The following SMYD3 variants were observed in gnomAD, a reference collection of about 807,000 sequenced individuals.
The protein encoded by SMYD3 is SET and MYND domain containing 3, also known as histone-lysine N-methyltransferase SMYD3.
In SMYD3, 36 loss-of-function variants were observed where a neutral mutation model predicts 57.7. The ratio of observed to expected loss-of-function variants is 0.62; its 90% confidence interval spans 0.48 to 0.82. The LOEUF is 0.82. SMYD3 is among the 40% of genes least tolerant of loss of function. The probability of loss-of-function intolerance (pLI) is 0.00; values close to 1 mark genes in which losing one functional copy is unlikely to be tolerated. For missense variants in SMYD3, 515 were observed against 538.8 expected (o/e 0.96, Z 0.44); for synonymous variants, 211 against 195.0 (o/e 1.08, Z -0.68).
intron 5 of SMYD3, among the ~76,000 whole-genome samples, chr1:245,934,066 T>C (rs2056869544): frequency 6.6e-6 from 1 of 152,172 alleles, no homozygotes; most frequent in African/African-American, 2.4e-5. Flanking sequence ...TGAACACAAC[T>C]ATACAGAGGT....
chr1:245,990,858 T>C (rs1572854637), intron 5 of SMYD3, among the ~76,000 whole-genome samples: 1 of 152,248 alleles, frequency 6.6e-6, no homozygotes, highest in African/African-American at 2.4e-5. Flanking sequence ...TAATTTGTTA[T>C]GACAGAAACA....
intron 2 of SMYD3, among the ~76,000 whole-genome samples, chr1:246,344,051 A>G (rs2065672097): frequency 6.6e-6 from 1 of 152,134 alleles, no homozygotes; most frequent in Non-Finnish European, 1.5e-5. Flanking sequence ...ATAGTTTGAT[A>G]AATTTTTGTT....
chr1:245,879,557 C>A (rs1052948351), intron 8 of SMYD3, among the ~76,000 whole-genome samples: 1 of 152,254 alleles, frequency 6.6e-6, no homozygotes, highest in Non-Finnish European at 1.5e-5. Context: ...CAAGAGATCA[C>A]AGAAAGCTAC....
chr1:246,499,383 T>G (rs12732631), intron 1 of SMYD3, among the ~76,000 whole-genome samples: 143,108 of 151,312 alleles, frequency 0.95, 67,890 homozygotes, highest in Non-Finnish European at 0.99. Context: ...ATTTTTTAAG[T>G]AACCAAACCA....
chr1:246,401,786 G>A (rs1287781564), intron 1 of SMYD3, among the ~76,000 whole-genome samples: 3 of 149,586 alleles, frequency 2.0e-5, no homozygotes, highest in East Asian at 4.0e-4. Flanking sequence ...GCAATGGCAC[G>A]ATCTTGGCTC....
intron 5 of SMYD3, among the ~76,000 whole-genome samples, chr1:246,102,475 C>T (rs185473901): frequency 9.1e-4 from 139 of 152,232 alleles, no homozygotes; most frequent in African/African-American, 3.1e-3. Context: ...CTCTCTTTCT[C>T]ACTCAACCAC....
At chr1:246,206,489 C>T (rs901269552) in intron 5 of SMYD3, among the ~76,000 whole-genome samples, 5 of 151,790 alleles carry the variant, frequency 3.3e-5, no homozygotes, top group Admixed American at 1.3e-4. Flanking sequence ...TCTAGTGGTA[C>T]CAAAAGCCAC....
chr1:246,007,375 C>T (rs534749605), intron 5 of SMYD3, among the ~76,000 whole-genome samples: 1 of 152,170 alleles, frequency 6.6e-6, no homozygotes, highest in Non-Finnish European at 1.5e-5. Context: ...GAGTCAGCTC[C>T]CTGGTCAATG....
intron 5 of SMYD3, among the ~76,000 whole-genome samples, chr1:246,003,068 T>C (rs985652683): frequency 2.0e-4 from 31 of 151,864 alleles, no homozygotes; most frequent in Non-Finnish European, 3.8e-4. Flanking sequence ...AGAAAGGTTG[T>C]AGGTAGGAGG....
chr1:246,234,829 G>C (rs1283045628), intron 5 of SMYD3, among the ~76,000 whole-genome samples: 1 of 152,120 alleles, frequency 6.6e-6, no homozygotes, highest in African/African-American at 2.4e-5. Flanking sequence ...TTTGGAACTA[G>C]AATTATATAT....
chr1:246,353,392 T>C (rs1272512862), intron 2 of SMYD3, among the ~76,000 whole-genome samples: 2 of 151,874 alleles, frequency 1.3e-5, no homozygotes, highest in South Asian at 2.1e-4. Context: ...TACCTGGCCA[T>C]GGTGGCACGT....
At chr1:245,810,267 G>C (rs1224453665) in intron 10 of SMYD3, among the ~76,000 whole-genome samples, 1 of 152,190 alleles carries the variant, frequency 6.6e-6, no homozygotes, top group Non-Finnish European at 1.5e-5. Flanking sequence ...TCAGAACTAA[G>C]AGCCTACAAC....
At chr1:245,821,816 T>C (rs2049176471) in intron 10 of SMYD3, among the ~76,000 whole-genome samples, 1 of 151,808 alleles carries the variant, frequency 6.6e-6, no homozygotes, top group Non-Finnish European at 1.5e-5. Context: ...TCACTGGCCA[T>C]CAGAGAAATG....
Position 246,507,037 on chromosome 1 carries a change from G to C in SMYD3, c.164+17C>G, listed in dbSNP as rs907476122. 5.3e-6 allele frequency: 8 copies of C among 1,498,554 alleles called. No individual in the cohort carries two copies. The highest frequency in any genetic ancestry group is 7.1e-6 in the Non-Finnish European group (8 of 1,121,658). 92.8% of individuals were successfully genotyped at this position (1,498,554 alleles called of 1,614,324 possible). ...CACAGCTCGCGACTCAGGTAGGCGA[G>C]GGCGCTCCTTACGCACCCGAGAAGG... On this transcript the variant is annotated intron_variant, in intron 1 of 11. Transcript: ENST00000490107.
chr1:246,171,052 G>C (rs942368012), intron 5 of SMYD3, among the ~76,000 whole-genome samples: 1 of 151,780 alleles, frequency 6.6e-6, no homozygotes, highest in Non-Finnish European at 1.5e-5. Flanking sequence ...AGTATACTTT[G>C]TTTCTTTCAG....
chr1:245,824,267 C>T lies in SMYD3; in HGVS notation c.1076+34229G>A, dbSNP rs535214806. ...TAGGTTGCCATTTAGGCAAATGACACGAAGGAAGAGATGCTTTGTAGCTAA... is the reference window on the plus strand; with the variant it reads ...TAGGTTGCCATTTAGGCAAATGACATGAAGGAAGAGATGCTTTGTAGCTAA... On this transcript the variant is annotated intron_variant, in intron 10 of 11. Coordinates refer to ENST00000490107, the MANE Select transcript of SMYD3 (RefSeq NM_001167740.2). Among the ~76,000 whole-genome samples the T allele has an allele frequency of 5.9e-5, 9 of 152,316 alleles. No homozygotes were observed. The South Asian group carries it at 1.2e-3, about 21-fold the overall frequency.
At chr1:246,353,340 C>A (rs578198011) in intron 2 of SMYD3, among the ~76,000 whole-genome samples, 6 of 152,166 alleles carry the variant, frequency 3.9e-5, no homozygotes, top group African/African-American at 1.2e-4. Flanking sequence ...TCAGCCTGGG[C>A]AAACAGTGAG....
At chr1:245,853,816 A>G (rs2051100499) in intron 10 of SMYD3, among the ~76,000 whole-genome samples, 1 of 152,204 alleles carries the variant, frequency 6.6e-6, no homozygotes, top group South Asian at 2.1e-4. Flanking sequence ...ATTTGTAACC[A>G]TGGCAGGTAC....
At chr1:245,945,186 GCAAA>G (rs1185935174) in intron 5 of SMYD3, among the ~76,000 whole-genome samples, 1 of 152,118 alleles carries the variant, frequency 6.6e-6, no homozygotes, top group Non-Finnish European at 1.5e-5. Flanking sequence ...TGTCATCAGA[GCAAA>G]CAGCCTACAG....
Sources: gnomAD v4.1 joint callset for allele counts (sites outside exome capture counted in the v4.1 genomes callset) on GRCh38, gnomAD v4.1.1 for gene constraint, MANE v1.5 for transcripts, NCBI Gene and HGNC (gene_info 2026-07-23, HGNC 2026-07-21) for gene names.